TENM4: variants seen among roughly 807,000 people sequenced by gnomAD.
TENM4 encodes teneurin-4.
In TENM4, 82 loss-of-function variants were observed where a neutral mutation model predicts 243.3. The ratio of observed to expected loss-of-function variants is 0.34; its 90% CI spans 0.28 to 0.40. The LOEUF (loss-of-function observed/expected upper bound fraction) is 0.40, where lower values mean the gene tolerates loss of function less well. TENM4 is among the 10% of genes least tolerant of loss of function. TENM4 has a pLI of 1.00. For synonymous variants in TENM4, 1,412 were observed against 1,456.3 expected (o/e 0.97, Z 0.69); for missense variants, 3,138 against 3,673.3 (o/e 0.85, Z 3.77).
At chr11:78,825,120 A>C (rs1318054407) in intron 12 of TENM4, among the ~76,000 whole-genome samples, 1 of 152,216 alleles carries the variant, frequency 6.6e-6, no homozygotes, top group Non-Finnish European at 1.5e-5. Flanking sequence ...GGGAGGATCC[A>C]AAGCATAGTC....
chr11:79,170,400 A>T (rs560104670), intron 3 of TENM4, among the ~76,000 whole-genome samples: 1 of 152,316 alleles, frequency 6.6e-6, no homozygotes, highest in South Asian at 2.1e-4. Context: ...AGCATTGCCC[A>T]AAATTGATAT....
chr11:79,278,982 C>T (rs1565280603), intron 2 of TENM4, among the ~76,000 whole-genome samples: 1 of 152,204 alleles, frequency 6.6e-6, no homozygotes, highest in Non-Finnish European at 1.5e-5. Flanking sequence ...GACACAGAAG[C>T]ACCCAACATG....
intron 3 of TENM4, among the ~76,000 whole-genome samples, chr11:79,213,370 T>C (rs79747954): frequency 0.039 from 5,872 of 152,214 alleles, 149 homozygotes; most frequent in East Asian, 0.13. Flanking sequence ...CCTGCCCTTG[T>C]GGAGCTTGTG....
chr11:79,042,099 C>T (rs938092772), intron 6 of TENM4, among the ~76,000 whole-genome samples: 3 of 152,166 alleles, frequency 2.0e-5, no homozygotes, highest in Non-Finnish European at 2.9e-5. Context: ...GAACTACTTT[C>T]CCCAGAGGTT....
intron 6 of TENM4, among the ~76,000 whole-genome samples, chr11:78,993,542 AT>A (rs532307255): frequency 6.6e-6 from 1 of 151,584 alleles, no homozygotes; most frequent in Non-Finnish European, 1.5e-5. Flanking sequence ...AGTTCTGTTC[AT>A]TTTTTTCAGC....
chr11:78,662,349 C>T (rs950937277), intron 32 of TENM4, among the ~76,000 whole-genome samples: 1 of 151,968 alleles, frequency 6.6e-6, no homozygotes, highest in African/African-American at 2.4e-5. Context: ...CGTCACCAGG[C>T]CCAGCTAATT....
At chr11:79,253,688 C>T (rs567105952) in intron 2 of TENM4, among the ~76,000 whole-genome samples, 3 of 152,100 alleles carry the variant, frequency 2.0e-5, no homozygotes, top group Non-Finnish European at 2.9e-5. Context: ...ATGGGCAGAC[C>T]GTCCAAGAGG....
intron 4 of TENM4, among the ~76,000 whole-genome samples, chr11:79,138,392 A>T (rs1224398078): frequency 1.5e-4 from 18 of 120,924 alleles, no homozygotes; most frequent in African/African-American, 5.9e-4. Flanking sequence ...ATTATATAAT[A>T]TAGTTATATA....
intron 6 of TENM4, among the ~76,000 whole-genome samples, chr11:79,023,075 C>A (rs2136814052): frequency 6.6e-6 from 1 of 152,262 alleles, no homozygotes; most frequent in Admixed American, 6.5e-5. Context: ...TGCCTCTAAC[C>A]ACTAACATAA....
At chr11:79,043,477 G>A (rs543399934) in intron 6 of TENM4, among the ~76,000 whole-genome samples, 1 of 152,130 alleles carries the variant, frequency 6.6e-6, no homozygotes, top group African/African-American at 2.4e-5. Context: ...GGGTCCATGA[G>A]AGACTGTGTG....
chr11:78,865,644 T>C (rs1002514519), intron 9 of TENM4, among the ~76,000 whole-genome samples: 4 of 152,168 alleles, frequency 2.6e-5, no homozygotes, highest in African/African-American at 7.2e-5. Flanking sequence ...CCGAGGAGAC[T>C]GGAGCACAGC....
chr11:79,225,442 C>A (rs926128671), intron 2 of TENM4, among the ~76,000 whole-genome samples: 1 of 152,096 alleles, frequency 6.6e-6, no homozygotes, highest in African/African-American at 2.4e-5. Context: ...GAGACTGGGT[C>A]TCCCATGACT....
At chr11:79,137,766 T>C (rs1257493361) in intron 4 of TENM4, among the ~76,000 whole-genome samples, 1 of 152,184 alleles carries the variant, frequency 6.6e-6, no homozygotes, top group Non-Finnish European at 1.5e-5. Context: ...GTTAACTTTA[T>C]GTAATAGCAT....
intron 19 of TENM4, among the ~76,000 whole-genome samples, chr11:78,746,274 G>A (rs376680143): frequency 7.9e-5 from 12 of 152,220 alleles, no homozygotes; most frequent in Admixed American, 2.0e-4. Context: ...CCATGGTGCC[G>A]TGACACCACC....
intron 18 of TENM4, among the ~76,000 whole-genome samples, chr11:78,768,678 C>T (rs1222712883): frequency 1.3e-5 from 2 of 152,212 alleles, no homozygotes; most frequent in Non-Finnish European, 2.9e-5. Flanking sequence ...ATGCAAGTGG[C>T]ATATTCTCCC....
At chr11:78,770,970 C>G (rs868175534) in intron 18 of TENM4, 22 bp downstream of exon 18, 1 of 1,570,862 alleles carries the variant, frequency 6.4e-7, no homozygotes. Flanking sequence ...CCGCCTGGAG[C>G]CCATGGGTGC....
In TENM4 at chr11:78,655,840, A is replaced by G. The variant is rs548227705; in HGVS notation, c.*2218T>C. On this transcript the variant is annotated 3_prime_UTR_variant, in exon 34 of 34. Transcript: ENST00000278550. Reference sequence around the variant, plus strand: ...GGACAAAACTTGTGTTCTTCAGGCCAAACTGTTTTCCATCTCATCCAAGAA... The same window carrying G: ...GGACAAAACTTGTGTTCTTCAGGCCGAACTGTTTTCCATCTCATCCAAGAA... 2 of 152,334 alleles carry G rather than the reference A, an allele frequency of 1.3e-5. No individual in the cohort carries two copies. Among genetic ancestry groups the G allele is most frequent in the South Asian group, 4.1e-4 (2 of 4,826 alleles). The allele number at this position is 152,334 out of a possible 1,614,324, so 9.4% of individuals were successfully genotyped here. A position where few individuals can be genotyped will look rare whatever the true frequency, so the allele number is the denominator to read the frequency against.
chr11:79,032,410 T>A (rs1253547522), intron 6 of TENM4, among the ~76,000 whole-genome samples: 1 of 152,202 alleles, frequency 6.6e-6, no homozygotes, highest in Non-Finnish European at 1.5e-5. Context: ...AGAAAATGGC[T>A]GTCCAGGGTC....
At chr11:79,297,578 T>C (rs1856476674) in intron 1 of TENM4, 35 bp from the exon 2 acceptor site, 1 of 152,626 alleles carries the variant, frequency 6.6e-6, no homozygotes, top group Non-Finnish European at 1.5e-5. Flanking sequence ...ATTAATGCCT[T>C]GAGATCGCTG....
Sources: allele counts gnomAD v4.1 joint callset (sites outside exome capture counted in the v4.1 genomes callset), GRCh38; gene constraint gnomAD v4.1.1; transcripts MANE v1.5; gene names NCBI Gene and HGNC (gene_info 2026-07-23, HGNC 2026-07-21).